The following CLSTN2 variants were observed in gnomAD, a reference collection of about 807,000 sequenced individuals.
CLSTN2 encodes calsyntenin 2.
Under a neutral mutation model 101.2 loss-of-function variants are expected in CLSTN2, and 48 were observed. The observed-to-expected ratio is 0.47, with a 90% confidence interval of 0.38 to 0.60. CLSTN2 has a LOEUF of 0.60. Among genes scored for constraint, CLSTN2 ranks in the 20% least tolerant of loss-of-function variants. The pLI is 0.00. For missense variants in CLSTN2, 1,160 were observed against 1,238.2 expected (o/e 0.94, Z 0.95); for synonymous variants, 481 against 463.6 (o/e 1.04, Z -0.48).
At chr3:140,047,509 A>G (rs1215375574) in intron 1 of CLSTN2, among the ~76,000 whole-genome samples, 2 of 152,210 alleles carry the variant, frequency 1.3e-5, no homozygotes, top group South Asian at 2.1e-4. Flanking sequence ...TTAGGAAGGA[A>G]ACTCTATGTG....
chr3:140,562,309 G>A lies in CLSTN2; in HGVS notation c.2212+1G>A. On this transcript the variant is annotated splice_donor_variant, in intron 13 of 16. Transcript: ENST00000458420. LOFTEE classifies it high-confidence loss of function. Reference sequence around the variant, plus strand: ...TCTACTGCAGGCTACTCCATCTACGGTAAGGCCACACTCAGCCCCCTTTGC... The same window carrying A: ...TCTACTGCAGGCTACTCCATCTACGATAAGGCCACACTCAGCCCCCTTTGC... The A allele has an allele frequency of 1.2e-6, 2 of 1,611,540 alleles. No homozygotes were observed. The highest frequency in any genetic ancestry group is 1.1e-5 in the South Asian group (1 of 90,828).
chr3:140,205,630 C>CCCA (rs2010773139), intron 2 of CLSTN2, among the ~76,000 whole-genome samples: 2 of 118,972 alleles, frequency 1.7e-5, no homozygotes, highest in African/African-American at 5.8e-5. Flanking sequence ...CCCCCACCCA[C>CCCA]ACACACACAC....
chr3:140,273,252 C>A (rs1438145465), intron 2 of CLSTN2, among the ~76,000 whole-genome samples: 1 of 152,052 alleles, frequency 6.6e-6, no homozygotes, highest in Non-Finnish European at 1.5e-5. Flanking sequence ...AGGACAAATA[C>A]CTAATGCATG....
chr3:140,437,743 T>C (rs1189330132), intron 5 of CLSTN2, among the ~76,000 whole-genome samples: 8 of 152,242 alleles, frequency 5.3e-5, no homozygotes, highest in Non-Finnish European at 1.2e-4. Flanking sequence ...AAGTGGCAAT[T>C]GGACTGCCAT....
At chr3:140,109,339 C>T (rs2009114985) in intron 1 of CLSTN2, among the ~76,000 whole-genome samples, 1 of 152,172 alleles carries the variant, frequency 6.6e-6, no homozygotes, top group Non-Finnish European at 1.5e-5. Context: ...GCACAGGCTG[C>T]TCACAGTGTC....
intron 1 of CLSTN2, among the ~76,000 whole-genome samples, chr3:140,089,456 C>T (rs2107784816): frequency 6.6e-6 from 1 of 152,162 alleles, no homozygotes; most frequent in South Asian, 2.1e-4. Context: ...TAGGGAAGCC[C>T]TTTTGTTCTG....
At chr3:140,211,556 TA>T (rs1271704007) in intron 2 of CLSTN2, among the ~76,000 whole-genome samples, 2 of 140,732 alleles carry the variant, frequency 1.4e-5, no homozygotes, top group African/African-American at 2.7e-5. Context: ...TGTGTGTGTG[TA>T]GTGTGTGTGT....
intron 1 of CLSTN2, among the ~76,000 whole-genome samples, chr3:140,070,730 C>G (rs2008377744): frequency 6.6e-6 from 1 of 152,086 alleles, no homozygotes; most frequent in African/African-American, 2.4e-5. Context: ...GATACTATGG[C>G]TCATTCAGAA....
intron 2 of CLSTN2, among the ~76,000 whole-genome samples, chr3:140,352,479 T>C (rs2087619059): frequency 6.6e-6 from 1 of 152,226 alleles, no homozygotes. Flanking sequence ...ACCCCTATTG[T>C]AGCAGCAGTT....
intron 2 of CLSTN2, among the ~76,000 whole-genome samples, chr3:140,312,744 A>T (rs1044403329): frequency 3.3e-5 from 5 of 152,222 alleles, no homozygotes; most frequent in Admixed American, 3.3e-4. Context: ...CAAGGAAAAA[A>T]TTGGAGGTTT....
intron 1 of CLSTN2, among the ~76,000 whole-genome samples, chr3:140,016,593 G>A (rs1192149590): frequency 6.6e-6 from 1 of 152,042 alleles, no homozygotes; most frequent in African/African-American, 2.4e-5. Context: ...GAGGTCAGGA[G>A]ATGGAGACCA....
At chr3:140,293,329 G>A (rs2086971686) in intron 2 of CLSTN2, among the ~76,000 whole-genome samples, 2 of 152,236 alleles carry the variant, frequency 1.3e-5, no homozygotes, top group South Asian at 4.2e-4. Context: ...CCTAGCTTGA[G>A]CACACTCTGG....
At chr3:140,530,290 T>C (rs1019179223) in intron 8 of CLSTN2, among the ~76,000 whole-genome samples, 5 of 152,234 alleles carry the variant, frequency 3.3e-5, no homozygotes, top group Non-Finnish European at 7.3e-5. Flanking sequence ...TCTTATGCAG[T>C]GTGATCCAAA....
intron 2 of CLSTN2, among the ~76,000 whole-genome samples, chr3:140,346,474 A>G (rs929624101): frequency 6.6e-6 from 1 of 151,964 alleles, no homozygotes; most frequent in Admixed American, 6.6e-5. Context: ...CTGAGATCTG[A>G]CTTCCCATGT....
intron 1 of CLSTN2, among the ~76,000 whole-genome samples, chr3:140,093,389 C>T (rs1296854061): frequency 6.6e-6 from 1 of 152,140 alleles, no homozygotes; most frequent in Non-Finnish European, 1.5e-5. Context: ...TTGTTTCATC[C>T]TACCCCCCAG....
intron 2 of CLSTN2, among the ~76,000 whole-genome samples, chr3:140,358,683 G>A (rs2087698495): frequency 6.6e-6 from 1 of 152,018 alleles, no homozygotes; most frequent in South Asian, 2.1e-4. Flanking sequence ...TATTACCTGG[G>A]AGCATTCTCA....
At chr3:140,108,238 C>G (rs1004399817) in intron 1 of CLSTN2, among the ~76,000 whole-genome samples, 11 of 152,218 alleles carry the variant, frequency 7.2e-5, no homozygotes, top group Non-Finnish European at 2.9e-5. Flanking sequence ...TCATAACTTG[C>G]ATGGCTGAAA....
chr3:140,424,776 G>A (rs1229011725), intron 5 of CLSTN2, among the ~76,000 whole-genome samples: 1 of 152,170 alleles, frequency 6.6e-6, no homozygotes, highest in East Asian at 1.9e-4. Flanking sequence ...AGAGAGGGGA[G>A]AACATTCAGG....
At chr3:140,078,065 A>C (rs1173539071) in intron 1 of CLSTN2, among the ~76,000 whole-genome samples, 1 of 152,160 alleles carries the variant, frequency 6.6e-6, no homozygotes, top group Non-Finnish European at 1.5e-5. Context: ...ATGAAAGAGG[A>C]AGCAGAGGTC....
Sources: gnomAD v4.1 joint callset for allele counts (sites outside exome capture counted in the v4.1 genomes callset) on GRCh38, gnomAD v4.1.1 for gene constraint, MANE v1.5 for transcripts, NCBI Gene and HGNC (gene_info 2026-07-23, HGNC 2026-07-21) for gene names.